SPAG9: variants seen among roughly 807,000 people sequenced by gnomAD.
SPAG9 encodes the protein sperm associated antigen 9.
Under a neutral mutation model 166.5 loss-of-function variants are expected in SPAG9, and 35 were observed. The observed-to-expected ratio is 0.21, with a 90% CI of 0.16 to 0.28. The LOEUF (loss-of-function observed/expected upper bound fraction) is 0.28. SPAG9 is among the 10% of genes least tolerant of loss of function. The pLI is 1.00. For missense variants in SPAG9, 1,235 were observed against 1,603.3 expected, an observed-to-expected ratio of 0.77 and a Z score of 3.92; for synonymous variants, 534 against 565.5, an observed-to-expected ratio of 0.94 and a Z score of 0.79.
rs1975002607 is a variant in SPAG9, at chr17:50,985,751, C to T, written c.2967G>A (p.Gln989=). 1 of 1,608,142 alleles carries T rather than the reference C, an allele frequency of 6.2e-7. No homozygotes were observed. The highest frequency in any genetic ancestry group is 1.3e-5 in the African/African-American group (1 of 74,902). ...GCLYVHSSVA[Q]WRKCLHSIKL... is the part of the protein sequence containing the mutation. ...TAATGGAATGGAGACATTTCCTCCA[C>T]TGGGCTACAGATGAATGGACATACA... is the stretch of plus-strand genomic sequence containing the variant. The change falls in exon 23 of 30, where the codon CAG becomes CAA. Residue 989 remains glutamine, a synonymous_variant. Transcript: ENST00000262013.
intron 2 of SPAG9, among the ~76,000 whole-genome samples, chr17:51,072,635 G>T (rs188747779): frequency 2.0e-5 from 3 of 152,044 alleles, no homozygotes; most frequent in Admixed American, 2.0e-4. Context: ...AGTGAGCCGA[G>T]ATCGCGCCAC....
chr17:51,012,422 T>C lies in SPAG9; in HGVS notation c.1213+1810A>G, dbSNP rs141804342. Reference sequence around the variant, plus strand: ...CCATCTCTACTAAAAATACAAAAATTAGTCAGGCATGGTGGTATGCGCCTT... The same window carrying C: ...CCATCTCTACTAAAAATACAAAAATCAGTCAGGCATGGTGGTATGCGCCTT... On this transcript the variant is annotated intron_variant, in intron 9 of 29. Coordinates refer to ENST00000262013, the MANE Select transcript of SPAG9 (RefSeq NM_001130528.3). Among the ~76,000 whole-genome samples the C allele has an allele frequency of 8.8e-3, 1,331 of 151,690 alleles. 12 individuals are homozygous for C. Among genetic ancestry groups the C allele is most frequent in the Non-Finnish European group, 0.015 (1,022 of 67,922 alleles).
chr17:51,120,235 G>A lies in SPAG9; in HGVS notation c.303+119C>T, dbSNP rs917797099. ...GCCGGGATCGGTCCCAGGGGGCATC[G>A]GCCTCAGGCCCGCCCTCCAGGAGGC... On this transcript the variant is annotated intron_variant, in intron 1 of 29. Coordinates refer to ENST00000262013, the MANE Select transcript of SPAG9 (RefSeq NM_001130528.3). The surrounding 1 kb of genome is among the most constrained non-coding windows in gnomAD (Gnocchi z 4.7). 4.5e-6 allele frequency: 4 copies of A among 889,730 alleles called. No individual in the cohort carries two copies. Among genetic ancestry groups the A allele is most frequent in the African/African-American group, 1.8e-5 (1 of 55,596 alleles). The allele number at this position is 889,730 out of a possible 1,614,324, so 55.1% of individuals were successfully genotyped here.
chr17:51,116,140 G>T (rs941433415), intron 1 of SPAG9, among the ~76,000 whole-genome samples: 2 of 152,000 alleles, frequency 1.3e-5, no homozygotes, highest in Non-Finnish European at 2.9e-5. Flanking sequence ...CCATCTCCCG[G>T]GTTCAAGCAA....
chr17:51,041,742 T>C, intron 4 of SPAG9, 91 bp from the exon 5 acceptor site: 1 of 1,173,260 alleles, frequency 8.5e-7, no homozygotes, highest in Admixed American at 2.0e-5. Context: ...ACTGCCACTG[T>C]TTTACAACCA....
chr17:51,009,246 A>C, intron 9 of SPAG9: 1 of 413,426 alleles, frequency 2.4e-6, no homozygotes, highest in South Asian at 1.8e-5. Context: ...AGAGGAAACA[A>C]AGAAATTGAC....
intron 1 of SPAG9, among the ~76,000 whole-genome samples, chr17:51,095,721 CAT>C (rs1382878162): frequency 7.4e-6 from 1 of 134,654 alleles, no homozygotes; most frequent in African/African-American, 2.6e-5. Flanking sequence ...GTGATATATA[CAT>C]ATAGTGATAT....
intron 2 of SPAG9, among the ~76,000 whole-genome samples, chr17:51,069,042 T>C (rs2047748283): frequency 6.6e-6 from 1 of 152,144 alleles, no homozygotes; most frequent in Non-Finnish European, 1.5e-5. Context: ...ATATTGTTTA[T>C]TAAATATATA....
intron 19 of SPAG9, among the ~76,000 whole-genome samples, chr17:50,993,326 A>G (rs1975776768): frequency 6.6e-6 from 1 of 151,276 alleles, no homozygotes; most frequent in South Asian, 2.1e-4. Context: ...AAAAAAAAAA[A>G]AAAAAAAAAA....
chr17:50,990,772 G>T, intron 19 of SPAG9, 104 bp from the exon 20 acceptor site: 1 of 811,188 alleles, frequency 1.2e-6, no homozygotes, highest in Non-Finnish European at 2.0e-6. Context: ...CAGGTGAGAT[G>T]TACAGGTAGT....
rs562391465 is a variant in SPAG9, at chr17:51,012,836, C to T, written c.1213+1396G>A. ...AACCCAGGCTCACTGCAACCTCTGCCTCCCGGGTTCAAGCCATCCTCACAC... is the reference window on the plus strand; with the variant it reads ...AACCCAGGCTCACTGCAACCTCTGCTTCCCGGGTTCAAGCCATCCTCACAC... On this transcript the variant is annotated intron_variant, in intron 9 of 29. Coordinates refer to ENST00000262013, the MANE Select transcript of SPAG9 (RefSeq NM_001130528.3). 3.3e-5 allele frequency among the ~76,000 whole-genome samples: 5 copies of T among 151,600 alleles called. 1 individual carries two copies. In the South Asian group the frequency reaches 8.4e-4, roughly 25 times the overall value.
intron 12 of SPAG9, among the ~76,000 whole-genome samples, chr17:51,004,216 G>C (rs908419846): frequency 1.3e-5 from 2 of 152,180 alleles, no homozygotes; most frequent in Non-Finnish European, 2.9e-5. Flanking sequence ...CTGCAGGGGA[G>C]GAACACAGAA....
chr17:50,992,086 C>CT (rs1975616791), intron 19 of SPAG9, among the ~76,000 whole-genome samples: 1 of 151,764 alleles, frequency 6.6e-6, no homozygotes, highest in Non-Finnish European at 1.5e-5. Flanking sequence ...TGAGGTCTCA[C>CT]TATATTGCCC....
chr17:51,063,165 T>C (rs551488346), intron 2 of SPAG9, among the ~76,000 whole-genome samples: 3 of 152,120 alleles, frequency 2.0e-5, no homozygotes, highest in Admixed American at 1.3e-4. Flanking sequence ...TCCCAGTACT[T>C]TGGGAAGCCG....
chr17:51,005,011 A>C lies in SPAG9; in HGVS notation c.1476+201T>G, dbSNP rs533375979. On this transcript the variant is annotated intron_variant, in intron 12 of 29. Coordinates refer to ENST00000262013, the MANE Select transcript of SPAG9 (RefSeq NM_001130528.3). Reference sequence around the variant, plus strand: ...TAAGAGCACAGAGGCACAGAGGGAAAATGAGCACACTGCATGGAGCTAGAA... The same window carrying C: ...TAAGAGCACAGAGGCACAGAGGGAACATGAGCACACTGCATGGAGCTAGAA... Among the ~76,000 whole-genome samples the C allele has an allele frequency of 2.6e-5, 4 of 152,334 alleles. No individual in the cohort carries two copies. In the South Asian group the frequency reaches 8.3e-4, roughly 32 times the overall value.
rs746439577 is a variant in SPAG9, at chr17:50,993,966, A to T, written c.2227-31T>A. On this transcript the variant is annotated intron_variant, in intron 18 of 29. Coordinates refer to ENST00000262013, the MANE Select transcript of SPAG9 (RefSeq NM_001130528.3). ...TAGGCAAAGGAGGAAAAATGTTTAA[A>T]ACAATATGTATGTACAAATATTCAT... The T allele has an allele frequency of 2.5e-6, 4 of 1,582,580 alleles. No individual in the cohort carries two copies. The East Asian group carries it at 9.0e-5, about 35-fold the overall frequency.
chr17:51,021,085 A>G (rs2045920689), intron 7 of SPAG9, 73 bp downstream of exon 7: 2 of 1,289,194 alleles, frequency 1.6e-6, no homozygotes, highest in South Asian at 2.4e-5. Context: ...CCACAAAGAC[A>G]TATTTTCTCA....
rs1287932943 is a variant in SPAG9 at position 51,120,606 on chromosome 17, C to T, written c.51G>A (p.Gly17=). 5 of 1,612,518 alleles carry T rather than the reference C, an allele frequency of 3.1e-6. No individual in the cohort carries two copies. The highest frequency in any genetic ancestry group is 4.2e-6 in the Non-Finnish European group (5 of 1,179,530). The change falls in exon 1 of 30, where the codon GGG becomes GGA. Residue 17 remains glycine, a synonymous_variant. Transcript: ENST00000262013. The surrounding 1 kb of genome is among the most constrained non-coding windows in gnomAD (Gnocchi z 4.7). ...CGGACACCCGCTCCGACATCACGGCCCCGGAGCCGCCGGGCTCCTCCTGAT... is the reference window on the plus strand; with the variant it reads ...CGGACACCCGCTCCGACATCACGGCTCCGGAGCCGCCGGGCTCCTCCTGAT... ...VVYQEEPGGS[G]AVMSERVSGL...
intron 2 of SPAG9, among the ~76,000 whole-genome samples, chr17:51,074,848 G>GA (rs970138672): frequency 1.3e-5 from 2 of 150,740 alleles, no homozygotes; most frequent in Non-Finnish European, 1.5e-5. Flanking sequence ...CTGGGACAAT[G>GA]AAAAAAAAAT....
Sources: allele counts gnomAD v4.1 joint callset (sites outside exome capture counted in the v4.1 genomes callset), GRCh38; gene constraint gnomAD v4.1.1; non-coding constraint Gnocchi (gnomAD v3.1); transcripts MANE v1.5; gene names NCBI Gene and HGNC (gene_info 2026-07-23, HGNC 2026-07-21).